ZHX2: variants seen among roughly 807,000 people sequenced by gnomAD.
ZHX2 encodes the protein zinc fingers and homeoboxes protein 2.
Under a neutral mutation model 21.9 loss-of-function variants are expected in ZHX2, and 6 were observed. That is an observed-to-expected ratio of 0.27 (90% CI 0.15 to 0.54). The LOEUF (loss-of-function observed/expected upper bound fraction) is 0.54. ZHX2 is among the 20% of genes least tolerant of loss of function. The pLI is 0.95. For synonymous variants in ZHX2, 434 were observed against 437.1 expected (o/e 0.99, Z 0.09); for missense variants, 908 against 1,090.7 (o/e 0.83, Z 2.36).
At chr8:122,861,639 G>A (rs1047472913) in intron 1 of ZHX2, among the ~76,000 whole-genome samples, 18 of 152,154 alleles carry the variant, frequency 1.2e-4, no homozygotes, top group African/African-American at 4.3e-4. Context: ...CTCATCAGGA[G>A]CAGCTAGACT....
chr8:122,821,958 G>A (rs951513162), intron 1 of ZHX2, among the ~76,000 whole-genome samples: 1 of 152,024 alleles, frequency 6.6e-6, no homozygotes, highest in Admixed American at 6.6e-5. Flanking sequence ...ACCCTCCTTG[G>A]TCTCCCAAAG....
chr8:122,892,744 G>A (rs116898939), intron 2 of ZHX2, among the ~76,000 whole-genome samples: 6,453 of 152,200 alleles, frequency 0.042, 268 homozygotes, highest in African/African-American at 0.11. Context: ...GAGTGCAAAG[G>A]CACAATCTTG....
chr8:122,816,007 G>T (rs1355373117), intron 1 of ZHX2, among the ~76,000 whole-genome samples: 2 of 150,154 alleles, frequency 1.3e-5, no homozygotes, highest in African/African-American at 4.9e-5. Flanking sequence ...TTGAACCCAG[G>T]AGGCGGAGGT....
At chr8:122,850,266 G>A (rs1443974538) in intron 1 of ZHX2, among the ~76,000 whole-genome samples, 1 of 152,056 alleles carries the variant, frequency 6.6e-6, no homozygotes, top group Non-Finnish European at 1.5e-5. Context: ...TGACGCTCCT[G>A]GATTTATATA....
chr8:122,794,553 A>G (rs1434993240), intron 1 of ZHX2, among the ~76,000 whole-genome samples: 6 of 152,172 alleles, frequency 3.9e-5, no homozygotes, highest in Non-Finnish European at 8.8e-5. Flanking sequence ...ACTAGAGAGC[A>G]TATCTCCAGT....
chr8:122,783,403 G>A (rs1032806065), intron 1 of ZHX2, among the ~76,000 whole-genome samples: 1 of 152,116 alleles, frequency 6.6e-6, no homozygotes, highest in Admixed American at 6.5e-5. Context: ...GGCAGGCCCC[G>A]ATGAGCAGAA....
chr8:122,930,176 G>C (rs1397582512), intron 2 of ZHX2, among the ~76,000 whole-genome samples: 1 of 152,170 alleles, frequency 6.6e-6, no homozygotes, highest in Non-Finnish European at 1.5e-5. Context: ...TCCTGCAAGA[G>C]GATGCATGTA....
chr8:122,858,090 G>T (rs1819071576), intron 1 of ZHX2, among the ~76,000 whole-genome samples: 1 of 152,206 alleles, frequency 6.6e-6, no homozygotes, highest in Admixed American at 6.5e-5. Context: ...CCGAGCTCGG[G>T]CCCCACGGAA....
At chr8:122,911,470 G>A (rs1016980979) in intron 2 of ZHX2, among the ~76,000 whole-genome samples, 1 of 152,188 alleles carries the variant, frequency 6.6e-6, no homozygotes, top group Non-Finnish European at 1.5e-5. Context: ...GGCAGGAGGG[G>A]AGACTGCTCT....
chr8:122,920,782 A>G (rs1016239919), intron 2 of ZHX2, among the ~76,000 whole-genome samples: 1 of 152,164 alleles, frequency 6.6e-6, no homozygotes, highest in Non-Finnish European at 1.5e-5. Context: ...TGCATTGGGA[A>G]GCACAAGGGC....
intron 1 of ZHX2, among the ~76,000 whole-genome samples, chr8:122,784,388 A>G (rs1444904678): frequency 6.6e-6 from 1 of 152,232 alleles, no homozygotes; most frequent in African/African-American, 2.4e-5. Context: ...AGAGGCTCCA[A>G]GAGGTGAAGA....
At chr8:122,947,237 C>T (rs1812999804) in intron 2 of ZHX2, among the ~76,000 whole-genome samples, 1 of 151,756 alleles carries the variant, frequency 6.6e-6, no homozygotes. Flanking sequence ...TGCACTCCAG[C>T]CTGGGCAACA....
intron 3 of ZHX2, 109 bp downstream of exon 3, chr8:122,954,137 G>A: frequency 6.0e-6 from 6 of 1,003,942 alleles, no homozygotes; most frequent in Non-Finnish European, 7.1e-6. Context: ...ACAGATGGTG[G>A]CGTCTTTTTC....
chr8:122,914,932 T>C (rs946994991), intron 2 of ZHX2, among the ~76,000 whole-genome samples: 2 of 152,250 alleles, frequency 1.3e-5, no homozygotes, highest in South Asian at 4.1e-4. Flanking sequence ...GCCTTCCTTC[T>C]TTGCCATCAC....
At chr8:122,926,408 T>C (rs530904369) in intron 2 of ZHX2, among the ~76,000 whole-genome samples, 1 of 152,198 alleles carries the variant, frequency 6.6e-6, no homozygotes, top group Non-Finnish European at 1.5e-5. Context: ...GTAAACTCTC[T>C]GAGTATAGGG....
chr8:122,924,986 A>G (rs1450596387), intron 2 of ZHX2, among the ~76,000 whole-genome samples: 2 of 152,326 alleles, frequency 1.3e-5, no homozygotes, highest in African/African-American at 2.4e-5. Flanking sequence ...ATTAAGAAAA[A>G]TACAGGAGCG....
intron 1 of ZHX2, among the ~76,000 whole-genome samples, chr8:122,789,647 A>G (rs529371145): frequency 1.3e-5 from 2 of 152,242 alleles, no homozygotes; most frequent in African/African-American, 4.8e-5. Flanking sequence ...AGGGGAGGTA[A>G]AGAGGTAGAT....
At position 122,932,430 on chromosome 8, in the gene ZHX2, G is replaced by T. The variant is rs73335706; in HGVS notation, c.-219-18862G>T. On this transcript the variant is annotated intron_variant, in intron 2 of 3. Transcript: ENST00000314393. ...GAGAATCTGTTTCCTTGCCTTCTCC[G>T]GCCTCTGGTGTCCACCTGTGTTCCT... Among the ~76,000 whole-genome samples, 850 of 152,232 alleles carry T rather than the reference G, an allele frequency of 5.6e-3. 8 individuals carry two copies. The highest frequency in any genetic ancestry group is 0.02 in the African/African-American group (816 of 41,534).
intron 2 of ZHX2, among the ~76,000 whole-genome samples, chr8:122,947,088 T>G (rs1349094942): frequency 1.1e-5 from 1 of 89,924 alleles, no homozygotes; most frequent in Non-Finnish European, 2.8e-5. Flanking sequence ...AAATCCTGTC[T>G]TTGCAAAAAA....
Sources: allele counts gnomAD v4.1 joint callset (sites outside exome capture counted in the v4.1 genomes callset), GRCh38; gene constraint gnomAD v4.1.1; transcripts MANE v1.5; gene names NCBI Gene and HGNC (gene_info 2026-07-23, HGNC 2026-07-21).